The following L3MBTL2 variants were observed in gnomAD, a reference collection of about 807,000 sequenced individuals.
L3MBTL2 encodes the protein lethal(3)malignant brain tumor-like protein 2.
L3MBTL2 carries 49 observed loss-of-function variants against 86.4 expected under a neutral mutation model. The ratio of observed to expected loss-of-function variants is 0.57; its 90% confidence interval spans 0.45 to 0.72. The LOEUF is 0.72. L3MBTL2 is among the 30% of genes least tolerant of loss of function. L3MBTL2 has a pLI of 0.00. For synonymous variants in L3MBTL2, 336 were observed against 350.6 expected (o/e 0.96, Z 0.47); for missense variants, 755 against 923.7 (o/e 0.82, Z 2.37).
Position 41,227,487 on chromosome 22 carries a change from C to G in L3MBTL2, c.1822+164C>G. ...CCCGTCACCCAGCCCCTGCTCCTGA[C>G]TTCTCTGTCTCCCTTTCCCTCTGGC... On this transcript the variant is annotated intron_variant, in intron 14 of 16. Coordinates refer to ENST00000216237, the MANE Select transcript of L3MBTL2 (RefSeq NM_031488.5). This position sits in a 1 kb window ranked among gnomAD's most constrained non-coding sequence, Gnocchi z 6.0. 1 of 1,268,934 alleles carries G rather than the reference C, an allele frequency of 7.9e-7. No homozygotes were observed. Among genetic ancestry groups the G allele is most frequent in the Admixed American group, 2.0e-5 (1 of 50,512 alleles). The allele number at this position is 1,268,934 out of a possible 1,614,324, so 78.6% of individuals were successfully genotyped here.
At chr22:41,213,227 A>G (rs2031051057) in intron 2 of L3MBTL2, among the ~76,000 whole-genome samples, 1 of 152,220 alleles carries the variant, frequency 6.6e-6, no homozygotes, top group South Asian at 2.1e-4. Context: ...CTCAAAAATA[A>G]ATAAATAAAA....
rs1241264253 is a variant in L3MBTL2 at position 41,227,352 on chromosome 22, C to A, written c.1822+29C>A. ...TGGGCTCTCGTGGCCCTAAGAGGCT[C>A]TGACTTTCTTTCCTCTTCTTTTTTC... On this transcript the variant is annotated intron_variant, in intron 14 of 16. Coordinates refer to ENST00000216237, the MANE Select transcript of L3MBTL2 (RefSeq NM_031488.5). The surrounding 1 kb of genome is among the most constrained non-coding windows in gnomAD (Gnocchi z 6.0). 2.6e-6 allele frequency: 4 copies of A among 1,545,346 alleles called. No individual in the cohort carries two copies. Among genetic ancestry groups the A allele is most frequent in the Non-Finnish European group, 3.5e-6 (4 of 1,138,138 alleles).
At position 41,219,425 on chromosome 22, in the gene L3MBTL2, C is replaced by T; in HGVS notation, c.607C>T (p.Leu203Phe). The T allele has an allele frequency of 1.9e-6, 3 of 1,610,858 alleles. No homozygotes were observed. The highest frequency in any genetic ancestry group is 2.5e-6 in the Non-Finnish European group (3 of 1,177,096). The change falls in exon 6 of 17, where the codon CTC (leucine) becomes TTC (phenylalanine). Residue 203 changes from leucine (L) to phenylalanine (F), a missense_variant. Coordinates refer to ENST00000216237, the MANE Select transcript of L3MBTL2 (RefSeq NM_031488.5). ...APVSCFKHVP[L>F]YDQWEDVMKG... ...CACTCTCATCGCCACACAGGTCCCA[C>T]TCTATGACCAGTGGGAGGATGTGAT...
intron 1 of L3MBTL2, chr22:41,209,041 A>G (rs564877123): frequency 6.6e-6 from 1 of 152,282 alleles, no homozygotes; most frequent in African/African-American, 2.4e-5. Context: ...GTGCCTGGCT[A>G]AGAATTAATT....
intron 2 of L3MBTL2, among the ~76,000 whole-genome samples, chr22:41,210,616 A>G (rs1471534910): frequency 1.3e-5 from 2 of 152,168 alleles, no homozygotes; most frequent in Non-Finnish European, 2.9e-5. Context: ...GGCGTGTGCC[A>G]CCGCGCCAGC....
chr22:41,216,867 C>G (rs576932901), intron 4 of L3MBTL2, among the ~76,000 whole-genome samples: 2 of 152,164 alleles, frequency 1.3e-5, no homozygotes, highest in African/African-American at 2.4e-5. Flanking sequence ...GGAAGAAGGG[C>G]GAGAAATTTC....
Position 41,225,125 on chromosome 22 carries a change from G to A in L3MBTL2, c.1356+54G>A, listed in dbSNP as rs2145608920. The A allele has an allele frequency of 2.1e-6, 3 of 1,456,574 alleles. No homozygotes were observed. The highest frequency in any genetic ancestry group is 2.9e-6 in the Non-Finnish European group (3 of 1,051,380). 90.2% of individuals were successfully genotyped at this position (1,456,574 alleles called of 1,614,324 possible). A position where few individuals can be genotyped will look rare whatever the true frequency, so the allele number is the denominator to read the frequency against. On this transcript the variant is annotated intron_variant, in intron 11 of 16. Coordinates refer to ENST00000216237, the MANE Select transcript of L3MBTL2 (RefSeq NM_031488.5). This position sits in a 1 kb window ranked among gnomAD's most constrained non-coding sequence, Gnocchi z 4.1. Reference sequence around the variant, plus strand: ...CAGATTTCTGAGCGGGGGGACCCATGTGGCCCAGAGCTCTAACCCCACTCG... The same window carrying A: ...CAGATTTCTGAGCGGGGGGACCCATATGGCCCAGAGCTCTAACCCCACTCG...
chr22:41,223,941 GTCC>G (rs2032006425), intron 8 of L3MBTL2, 76 bp from the exon 9 acceptor site: 7 of 1,132,508 alleles, frequency 6.2e-6, no homozygotes, highest in Admixed American at 3.7e-5. Flanking sequence ...CACCTTCCCT[GTCC>G]TCCACTCACC....
chr22:41,209,672 C>T, intron 1 of L3MBTL2, 24 bp from the exon 2 acceptor site: 7 of 1,601,502 alleles, frequency 4.4e-6, no homozygotes, highest in Non-Finnish European at 6.0e-6. Flanking sequence ...TTCTTTCTAC[C>T]TGGTTTGTGT....
At position 41,224,779 on chromosome 22, in the gene L3MBTL2, CCGTT is replaced by C; in HGVS notation, c.1231_1234del (p.Val411LeufsTer21). 1 of 1,613,786 alleles carries C rather than the reference CCGTT, an allele frequency of 6.2e-7. No homozygotes were observed. Among genetic ancestry groups the C allele is most frequent in the African/African-American group, 1.3e-5 (1 of 75,044 alleles). ...ACCTTCCGGAAGATCTACTGTGATG[CCGTT>C]CCTTACCTCTTCAAGAAGGTGAGGT... On this transcript the variant is annotated frameshift_variant, in exon 10 of 17. Transcript: ENST00000216237. LOFTEE classifies it high-confidence loss of function. This position sits in a 1 kb window ranked among gnomAD's most constrained non-coding sequence, Gnocchi z 4.9.
At chr22:41,214,995 ATAT>A (rs139459) in intron 3 of L3MBTL2, among the ~76,000 whole-genome samples, 61,772 of 150,250 alleles carry the variant, frequency 0.41, 13,114 homozygotes, top group African/African-American at 0.54. Context: ...TGGGGGGAAA[ATAT>A]TATGTAAAAT....
chr22:41,210,608 C>T (rs530384066), intron 2 of L3MBTL2, among the ~76,000 whole-genome samples: 9 of 152,150 alleles, frequency 5.9e-5, no homozygotes, highest in African/African-American at 2.2e-4. Flanking sequence ...GGATTACAGG[C>T]GTGTGCCACC....
At chr22:41,226,008 G>C in intron 12 of L3MBTL2, 67 bp downstream of exon 12, 1 of 1,530,586 alleles carries the variant, frequency 6.5e-7, no homozygotes, top group Non-Finnish European at 8.9e-7. Flanking sequence ...CAGGCGCGGT[G>C]GCTCCCGCCT....
intron 1 of L3MBTL2, 36 bp from the exon 2 acceptor site, chr22:41,209,660 A>C (rs750464209): frequency 2.5e-6 from 4 of 1,591,772 alleles, no homozygotes; most frequent in Non-Finnish European, 1.7e-6. Flanking sequence ...AGCCAATCAT[A>C]ATTCTTTCTA....
Position 41,219,470 on chromosome 22 carries a change from G to A in L3MBTL2, c.652G>A (p.Val218Met). The A allele has an allele frequency of 6.2e-7, 1 of 1,614,032 alleles. No homozygotes were observed. The highest frequency in any genetic ancestry group is 8.5e-7 in the Non-Finnish European group (1 of 1,179,916). ...TGTGATGAAAGGGATGAAGGTGGAG[G>A]TGCTCAACAGTGATGCTGTGCTCCC... Reference protein sequence around the residue: ...EDVMKGMKVEVLNSDAVLPSR... With the variant: ...EDVMKGMKVEMLNSDAVLPSR... The change falls in exon 6 of 17, where the codon GTG becomes ATG. Residue 218 changes from valine to methionine, a missense_variant. Transcript: ENST00000216237.
chr22:41,214,925 C>T (rs1256334390), intron 3 of L3MBTL2, among the ~76,000 whole-genome samples: 1 of 152,102 alleles, frequency 6.6e-6, no homozygotes, highest in African/African-American at 2.4e-5. Flanking sequence ...GCAGGAGAAT[C>T]GCTTGAACTT....
At chr22:41,226,558 G>T in intron 12 of L3MBTL2, 104 bp from the exon 13 acceptor site, 1 of 810,694 alleles carries the variant, frequency 1.2e-6, no homozygotes, top group Admixed American at 1.8e-5. Context: ...ACTCCATGCT[G>T]GGTCCTGACC....
rs1484380791 is a variant in L3MBTL2 at position 41,209,840 on chromosome 22, G to A, written c.169G>A (p.Glu57Lys). The A allele has an allele frequency of 6.2e-7, 1 of 1,614,216 alleles. No homozygotes were observed. Among genetic ancestry groups the A allele is most frequent in the Non-Finnish European group, 8.5e-7 (1 of 1,180,046 alleles). Residue 57 changes from glutamate to lysine, a missense_variant, in exon 2 of 17, where the codon GAG (glutamate) becomes AAG (lysine). By Grantham distance (56) the Glu-to-Lys change is moderately conservative. This residue lies in a region of L3MBTL2 where 103 missense variants were observed against 105.2 expected (regional missense o/e 0.98). Transcript: ENST00000216237. Reference sequence around the variant, plus strand: ...GGAGGAGTCAAGTGAAGCAGAAAATGAGGATCGGGAAGCAGGGGAACTGCC... The same window carrying A: ...GGAGGAGTCAAGTGAAGCAGAAAATAAGGATCGGGAAGCAGGGGAACTGCC... The part of the protein sequence containing the change: ...YLEESSEAEN[E>K]DREAGELPTS...
chr22:41,229,709 G>A (rs1453221657), intron 16 of L3MBTL2, 53 bp downstream of exon 16: 1 of 1,612,502 alleles, frequency 6.2e-7, no homozygotes, highest in Non-Finnish European at 8.5e-7. Flanking sequence ...CGTGCTCAGA[G>A]ACGACCCTTC....
Sources: gnomAD v4.1 joint callset for allele counts (sites outside exome capture counted in the v4.1 genomes callset) on GRCh38, gnomAD v4.1.1 for gene constraint, gnomAD v4.1.1 regional missense constraint, Gnocchi (gnomAD v3.1) non-coding constraint, MANE v1.5 for transcripts, NCBI Gene and HGNC (gene_info 2026-07-23, HGNC 2026-07-21) for gene names.